ARID1A: variants seen among roughly 807,000 people sequenced by gnomAD.
ARID1A encodes AT-rich interactive domain-containing protein 1A.
ARID1A carries 20 observed loss-of-function variants against 212.6 expected under a neutral mutation model. That is an observed-to-expected ratio of 0.09 (90% CI 0.07 to 0.14). The LOEUF is 0.14. ARID1A is among the 10% of genes least tolerant of loss of function. The pLI is 1.00. For synonymous variants in ARID1A, 1,376 were observed against 1,222.1 expected, an observed-to-expected ratio of 1.13 and a Z score of -2.63; for missense variants, 2,587 against 3,059.0, an observed-to-expected ratio of 0.85 and a Z score of 3.64.
Position 26,696,066 on chromosome 1 carries a change from G to C in ARID1A, c.-338G>C, listed in dbSNP as rs1337497762. 1.7e-6 allele frequency: 1 copy of C among 585,212 alleles called. No homozygotes were observed. Among genetic ancestry groups the C allele is most frequent in the African/African-American group, 2.0e-5 (1 of 50,270 alleles). 36.3% of individuals were successfully genotyped at this position (585,212 alleles called of 1,614,324 possible). A position where few individuals can be genotyped will look rare whatever the true frequency, so the allele number is the denominator to read the frequency against. On this transcript the variant is annotated 5_prime_UTR_variant, in exon 1 of 20. Coordinates refer to ENST00000324856, the MANE Select transcript of ARID1A (RefSeq NM_006015.6). ...AGAGTCACAGCGGGGCCAGGCCCTG[G>C]GGAGCGGAGCCTCCACCGCCCCCCT...
At chr1:26,703,824 T>G (rs2080361849) in intron 1 of ARID1A, among the ~76,000 whole-genome samples, 1 of 152,148 alleles carries the variant, frequency 6.6e-6, no homozygotes, top group Admixed American at 6.5e-5. Context: ...AAACAATATC[T>G]CCTTCAGAGG....
At chr1:26,733,308 T>C (rs2080698515) in intron 4 of ARID1A, among the ~76,000 whole-genome samples, 4 of 152,116 alleles carry the variant, frequency 2.6e-5, no homozygotes, top group Non-Finnish European at 1.5e-5. Flanking sequence ...GCTTAAGTTA[T>C]GGAATCAGGT....
chr1:26,697,309 C>T lies in ARID1A; in HGVS notation c.906C>T (p.Pro302=), dbSNP rs1210274408. The part of the protein sequence containing the change: ...TPTLNQLLTS[P]SSARGYQGYP... Reference sequence around the variant, plus strand: ...CCCTCAACCAACTGCTCACGTCGCCCAGCTCGGCCCGGGGCTACCAGGGCT... The same window carrying T: ...CCCTCAACCAACTGCTCACGTCGCCTAGCTCGGCCCGGGGCTACCAGGGCT... The change falls in exon 1 of 20, where the codon CCC becomes CCT. Residue 302 remains proline, a synonymous_variant. Coordinates refer to ENST00000324856, the MANE Select transcript of ARID1A (RefSeq NM_006015.6). The T allele has an allele frequency of 2.2e-6, 3 of 1,348,338 alleles. No individual in the cohort carries two copies. Among genetic ancestry groups the T allele is most frequent in the East Asian group, 3.0e-5 (1 of 32,906 alleles). 83.5% of individuals were successfully genotyped at this position (1,348,338 alleles called of 1,614,324 possible).
intron 4 of ARID1A, among the ~76,000 whole-genome samples, chr1:26,755,858 C>T (rs2080930492): frequency 6.6e-6 from 1 of 151,910 alleles, no homozygotes; most frequent in African/African-American, 2.4e-5. Flanking sequence ...ATTCTCCTGC[C>T]TCAGCCTCCC....
intron 1 of ARID1A, among the ~76,000 whole-genome samples, chr1:26,718,495 A>G (rs536798419): frequency 1.3e-5 from 2 of 152,266 alleles, no homozygotes; most frequent in South Asian, 4.1e-4. Context: ...TATATGTACA[A>G]ATGCCCCTCG....
intron 4 of ARID1A, among the ~76,000 whole-genome samples, chr1:26,758,091 CTG>C (rs1252037458): frequency 6.6e-6 from 1 of 152,100 alleles, no homozygotes; most frequent in African/African-American, 2.4e-5. Flanking sequence ...GGAATGGAGA[CTG>C]TAGGAAGGAG....
At chr1:26,729,912 G>T in intron 2 of ARID1A, 49 bp downstream of exon 2, 2 of 1,584,438 alleles carry the variant, frequency 1.3e-6, no homozygotes, top group Non-Finnish European at 1.7e-6. Context: ...TCCAAAATCT[G>T]ATCTGTGAGC....
At chr1:26,704,000 CT>C (rs530098183) in intron 1 of ARID1A, among the ~76,000 whole-genome samples, 192 of 152,190 alleles carry the variant, frequency 1.3e-3, no homozygotes, top group African/African-American at 4.4e-3. Context: ...TTTTCAGAGG[CT>C]TTTTTTGTGA....
At position 26,696,313 on chromosome 1, in the gene ARID1A, A is replaced by G. The variant is rs1224428708; in HGVS notation, c.-91A>G. 10 of 1,106,956 alleles carry G rather than the reference A, an allele frequency of 9.0e-6. No individual in the cohort carries two copies. The highest frequency in any genetic ancestry group is 5.6e-5 in the Admixed American group (1 of 17,848). 68.6% of individuals were successfully genotyped at this position (1,106,956 alleles called of 1,614,324 possible). A position where few individuals can be genotyped will look rare whatever the true frequency, so the allele number is the denominator to read the frequency against. On this transcript the variant is annotated 5_prime_UTR_variant, in exon 1 of 20. Transcript: ENST00000324856. ...GCCCGCCCGGGCGGGTGGGGAGGGC[A>G]GCCCGGGGGACTGGGCCCCGGGGCG...
Position 26,731,547 on chromosome 1 carries a change from C to CCAGTCTCAG in ARID1A, c.1752_1760dup (p.Ser587_Gln589dup). 1 of 1,614,132 alleles carries CCAGTCTCAG rather than the reference C, an allele frequency of 6.2e-7. No individual in the cohort carries two copies. The highest frequency in any genetic ancestry group is 8.5e-7 in the Non-Finnish European group (1 of 1,180,016). On this transcript the variant is annotated inframe_insertion, in exon 3 of 20. Transcript: ENST00000324856. Reference sequence around the variant, plus strand: ...CCCAGCAGGCTGCGTATCCTCAGCCCCAGTCTCAGCAGTCCCAGCAAACTG... The same window carrying CCAGTCTCAG: ...CCCAGCAGGCTGCGTATCCTCAGCCCCAGTCTCAGCAGTCTCAGCAGTCCCAGCAAACTG...
intron 4 of ARID1A, among the ~76,000 whole-genome samples, chr1:26,758,669 C>T (rs1377613290): frequency 2.6e-5 from 4 of 151,784 alleles, no homozygotes; most frequent in East Asian, 3.9e-4. Flanking sequence ...ATCCCTCTAT[C>T]TTGGGATTAA....
At position 26,775,147 on chromosome 1, in the gene ARID1A, C is replaced by T. The variant is rs2124123671; in HGVS notation, c.4920C>T (p.Thr1640=). Residue 1640 remains threonine, a synonymous_variant, in exon 18 of 20, where the codon ACC becomes ACT. Coordinates refer to ENST00000324856, the MANE Select transcript of ARID1A (RefSeq NM_006015.6). ...CCCCCATGATTCGGCGGGATATCAC[C>T]TTCCCACCTGGCTCTGTTGAAGCCA... ...VQPPMIRRDI[T]FPPGSVEATQ... The T allele has an allele frequency of 6.2e-7, 1 of 1,613,686 alleles. No homozygotes were observed. Among genetic ancestry groups the T allele is most frequent in the East Asian group, 2.2e-5 (1 of 44,872 alleles).
chr1:26,724,692 TC>T (rs2080600004), intron 1 of ARID1A, among the ~76,000 whole-genome samples: 1 of 152,208 alleles, frequency 6.6e-6, no homozygotes, highest in African/African-American at 2.4e-5. Context: ...ATTTTGGTTT[TC>T]CTTGATGCAA....
At chr1:26,704,741 G>C (rs58844310) in intron 1 of ARID1A, among the ~76,000 whole-genome samples, 12 of 151,704 alleles carry the variant, frequency 7.9e-5, no homozygotes, top group Non-Finnish European at 1.5e-4. Flanking sequence ...GCCTGTAGTC[G>C]CAGTTTACTT....
Position 26,771,445 on chromosome 1 carries a change from T to TGCCCTACCAC in ARID1A, c.3406+120_3406+129dup, listed in dbSNP as rs1553152861. 38 of 1,159,574 alleles carry TGCCCTACCAC rather than the reference T, an allele frequency of 3.3e-5. No individual in the cohort carries two copies. The highest frequency in any genetic ancestry group is 4.5e-5 in the Non-Finnish European group (37 of 821,534). 71.8% of individuals were successfully genotyped at this position (1,159,574 alleles called of 1,614,324 possible). ...TATGCCAAGGATCTGTGCTCTGCCTTGCCCTACCACAGGGCTTAACAGGTT... is the reference window on the plus strand; with the variant it reads ...TATGCCAAGGATCTGTGCTCTGCCTTGCCCTACCACGCCCTACCACAGGGCTTAACAGGTT... On this transcript the variant is annotated intron_variant, in intron 12 of 19. Coordinates refer to ENST00000324856, the MANE Select transcript of ARID1A (RefSeq NM_006015.6). The surrounding 1 kb of genome is among the most constrained non-coding windows in gnomAD (Gnocchi z 5.4).
intron 2 of ARID1A, 81 bp from the exon 3 acceptor site, chr1:26,731,071 A>G: frequency 7.2e-7 from 1 of 1,389,560 alleles, no homozygotes; most frequent in Non-Finnish European, 1.0e-6. Context: ...ACTCATCATC[A>G]GTGCATAGCT....
At chr1:26,749,780 C>A (rs903788211) in intron 4 of ARID1A, among the ~76,000 whole-genome samples, 1 of 152,202 alleles carries the variant, frequency 6.6e-6, no homozygotes, top group African/African-American at 2.4e-5. Context: ...CAGCTCTTAC[C>A]AAGTTGCCAA....
intron 1 of ARID1A, among the ~76,000 whole-genome samples, chr1:26,710,095 G>C (rs1014811179): frequency 1.4e-5 from 2 of 145,326 alleles, no homozygotes; most frequent in Non-Finnish European, 3.0e-5. Context: ...GCCTCCCAAA[G>C]TGCTGGGATG....
intron 4 of ARID1A, among the ~76,000 whole-genome samples, chr1:26,760,022 T>C (rs766237216): frequency 2.6e-5 from 4 of 152,230 alleles, no homozygotes; most frequent in Non-Finnish European, 5.9e-5. Context: ...CATTGTAATA[T>C]ATAATAGAAG....
Sources: gnomAD v4.1 joint callset for allele counts (sites outside exome capture counted in the v4.1 genomes callset) on GRCh38, gnomAD v4.1.1 for gene constraint, Gnocchi (gnomAD v3.1) non-coding constraint, MANE v1.5 for transcripts, NCBI Gene and HGNC (gene_info 2026-07-23, HGNC 2026-07-21) for gene names.